NUDT1: variants seen among roughly 807,000 people sequenced by gnomAD.
NUDT1 encodes the protein nudix hydrolase 1.
A neutral mutation model predicts 11.3 loss-of-function variants in NUDT1; 16 were observed. The observed-to-expected ratio is 1.41, with a 90% CI of 0.96 to 2.15. The LOEUF (loss-of-function observed/expected upper bound fraction) is 2.15, where lower values mean the gene tolerates loss of function less well. NUDT1 is among the 30% of genes most tolerant of loss of function. NUDT1 has a pLI of 0.00. For missense variants in NUDT1, 234 were observed against 208.4 expected (o/e 1.12, Z -0.76); for synonymous variants, 101 against 84.4 (o/e 1.20, Z -1.08).
intron 2 of NUDT1, 41 bp from the exon 3 acceptor site, chr7:2,249,816 T>C: frequency 6.2e-7 from 1 of 1,607,566 alleles, no homozygotes; most frequent in Non-Finnish European, 8.5e-7. Context: ...CATGGCACCA[T>C]GCCCTGACGG....
In NUDT1 at chr7:2,250,816, C is replaced by T. The variant is rs781275176; in HGVS notation, c.299-13C>T. 1 of 1,614,034 alleles carries T rather than the reference C, an allele frequency of 6.2e-7. No homozygotes were observed. The highest frequency in any genetic ancestry group is 1.1e-5 in the South Asian group (1 of 91,088). ...GTTGCACCTCAGTGCCTCCTCTTCC[C>T]CCATTGGTACAGAAATGCGCCCATG... On this transcript the variant is annotated splice_polypyrimidine_tract_variant and intron_variant, in intron 3 of 3. Coordinates refer to ENST00000356714, the MANE Select transcript of NUDT1 (RefSeq NM_002452.4).
Position 2,250,705 on chromosome 7 carries a change from G to A in NUDT1, c.299-124G>A, listed in dbSNP as rs556154437. ...GATCTCCTGACCTCGTGATCCTCCC[G>A]CCTCGGCCTCCCAAAGTGCTGGGAT... On this transcript the variant is annotated intron_variant, in intron 3 of 3. Coordinates refer to ENST00000356714, the MANE Select transcript of NUDT1 (RefSeq NM_002452.4). 49 of 722,270 alleles carry A rather than the reference G, an allele frequency of 6.8e-5. 1 individual carries two copies. Among genetic ancestry groups the A allele is most frequent in the Middle Eastern group, 3.7e-4 (1 of 2,738 alleles). 44.7% of individuals were successfully genotyped at this position (722,270 alleles called of 1,614,324 possible).
At chr7:2,246,083 T>C (rs1191769414) in intron 2 of NUDT1, among the ~76,000 whole-genome samples, 1 of 151,170 alleles carries the variant, frequency 6.6e-6, no homozygotes, top group Non-Finnish European at 1.5e-5. Flanking sequence ...CTGCCAGGAG[T>C]GTGTGCAGAG....
intron 2 of NUDT1, among the ~76,000 whole-genome samples, chr7:2,247,039 C>T (rs1013874829): frequency 6.6e-6 from 1 of 152,158 alleles, no homozygotes; most frequent in African/African-American, 2.4e-5. Context: ...CCCCGGGAAC[C>T]CAGCAGCAAA....
rs558426916 is a variant in NUDT1, at chr7:2,250,527, G to A, written c.299-302G>A. ...GGCTGGAGGGCAATGGCGCAATCTC[G>A]GCTCACTGCAAGCTCCACCTCCCAG... On this transcript the variant is annotated intron_variant, in intron 3 of 3. Transcript: ENST00000356714. 1.2e-4 allele frequency among the ~76,000 whole-genome samples: 18 copies of A among 152,280 alleles called. No individual in the cohort carries two copies. The East Asian group carries it at 2.3e-3, about 20-fold the overall frequency.
intron 3 of NUDT1, 126 bp downstream of exon 3, chr7:2,250,128 CCA>C: frequency 8.0e-7 from 1 of 1,254,408 alleles, no homozygotes; most frequent in South Asian, 1.4e-5. Flanking sequence ...CCCCTCCACC[CCA>C]CAGTGCCAGC....
intron 2 of NUDT1, among the ~76,000 whole-genome samples, chr7:2,246,710 A>G (rs1035656922): frequency 2.8e-4 from 42 of 152,310 alleles, no homozygotes; most frequent in African/African-American, 9.6e-4. Context: ...AGCTGAATAC[A>G]GTGGTGGCTT....
At chr7:2,242,355 T>C (rs985630117) in intron 1 of NUDT1, 99 bp downstream of exon 1, 5 of 565,744 alleles carry the variant, frequency 8.8e-6, no homozygotes, top group East Asian at 6.9e-5. Context: ...AGCCATGGGC[T>C]TGGGGGAGAG....
At chr7:2,243,898 C>T (rs1562405573) in intron 1 of NUDT1, among the ~76,000 whole-genome samples, 1 of 152,116 alleles carries the variant, frequency 6.6e-6, no homozygotes, top group African/African-American at 2.4e-5. Flanking sequence ...CCTATGGGAG[C>T]AGGAAGGACC....
intron 2 of NUDT1, among the ~76,000 whole-genome samples, chr7:2,245,204 A>C (rs1473505256): frequency 2.6e-5 from 4 of 152,174 alleles, no homozygotes; most frequent in African/African-American, 7.2e-5. Flanking sequence ...CCTAGGAAGG[A>C]ACTGAAGCCC....
intron 3 of NUDT1, among the ~76,000 whole-genome samples, chr7:2,250,445 A>T (rs958418131): frequency 2.0e-5 from 3 of 151,768 alleles, no homozygotes; most frequent in Admixed American, 2.0e-4. Context: ...ACAAAAAAAC[A>T]TGGTTTTGTT....
At chr7:2,250,088 CTG>C in intron 3 of NUDT1, 86 bp downstream of exon 3, 1 of 1,563,826 alleles carries the variant, frequency 6.4e-7, no homozygotes, top group Non-Finnish European at 8.7e-7. Flanking sequence ...CAAACCATCT[CTG>C]AGTGCCAGGG....
At chr7:2,250,593 G>GTAGGA (rs1298875968) in intron 3 of NUDT1, among the ~76,000 whole-genome samples, 2 of 152,070 alleles carry the variant, frequency 1.3e-5, no homozygotes, top group African/African-American at 4.8e-5. Flanking sequence ...AAGTAGCTGG[G>GTAGGA]ACTACAGGCG....
intron 1 of NUDT1, 37 bp from the exon 2 acceptor site, chr7:2,244,526 C>G (rs368586996): frequency 3.9e-5 from 59 of 1,511,382 alleles, no homozygotes; most frequent in Non-Finnish European, 5.1e-5. Context: ...CCTCCACGCA[C>G]GTCATGGCTG....
At chr7:2,249,454 CAAGT>C in intron 2 of NUDT1, 2 of 268,164 alleles carry the variant, frequency 7.5e-6, no homozygotes, top group Non-Finnish European at 1.5e-5. Context: ...CGCGGAAAAG[CAAGT>C]AACCGGGAAT....
intron 2 of NUDT1, among the ~76,000 whole-genome samples, chr7:2,246,956 T>C (rs1405598102): frequency 6.6e-6 from 1 of 151,846 alleles, no homozygotes; most frequent in African/African-American, 2.4e-5. Flanking sequence ...AAATCCTTCG[T>C]TGGGGAGCAT....
At chr7:2,243,202 C>G (rs1794621241) in intron 1 of NUDT1, among the ~76,000 whole-genome samples, 1 of 152,174 alleles carries the variant, frequency 6.6e-6, no homozygotes, top group Non-Finnish European at 1.5e-5. Flanking sequence ...TCTCTGCCCA[C>G]TATAAAAAAC....
At chr7:2,245,396 C>T (rs902078597) in intron 2 of NUDT1, among the ~76,000 whole-genome samples, 3 of 152,176 alleles carry the variant, frequency 2.0e-5, no homozygotes, top group African/African-American at 7.2e-5. Context: ...AAAGAGGGTC[C>T]TGGCACGGAG....
chr7:2,250,590 T>C (rs1794960933), intron 3 of NUDT1, among the ~76,000 whole-genome samples: 1 of 152,152 alleles, frequency 6.6e-6, no homozygotes, highest in Admixed American at 6.5e-5. Context: ...CCCAAGTAGC[T>C]GGGACTACAG....
Sources: gnomAD v4.1 joint callset for allele counts (sites outside exome capture counted in the v4.1 genomes callset) on GRCh38, gnomAD v4.1.1 for gene constraint, MANE v1.5 for transcripts, NCBI Gene and HGNC (gene_info 2026-07-23, HGNC 2026-07-21) for gene names.